CCSER1: variants seen among roughly 807,000 people sequenced by gnomAD.
CCSER1 encodes coiled-coil serine rich protein 1, also known as serine-rich coiled-coil domain-containing protein 1.
CCSER1 carries 41 observed loss-of-function variants against 82.0 expected under a neutral mutation model. The observed-to-expected ratio is 0.50, with a 90% CI of 0.39 to 0.65. The LOEUF is 0.65. Ranked by LOEUF, CCSER1 falls within the 30% of genes least tolerant of loss-of-function variation. CCSER1 has a pLI of 0.00. For missense variants in CCSER1, 1,119 were observed against 1,064.2 expected (o/e 1.05, Z -0.72); for synonymous variants, 414 against 383.9 (o/e 1.08, Z -0.92).
At chr4:90,131,870 G>A (rs1434947199) in intron 1 of CCSER1, among the ~76,000 whole-genome samples, 2 of 151,914 alleles carry the variant, frequency 1.3e-5, no homozygotes, top group Admixed American at 6.5e-5. Flanking sequence ...GTGTATATAG[G>A]TTGATTTTAG....
At chr4:90,486,059 T>G (rs1266462488) in intron 5 of CCSER1, among the ~76,000 whole-genome samples, 2 of 152,180 alleles carry the variant, frequency 1.3e-5, no homozygotes, top group East Asian at 3.9e-4. Flanking sequence ...AATCAACAAT[T>G]GTAGATGTTC....
intron 8 of CCSER1, among the ~76,000 whole-genome samples, chr4:90,899,563 T>A (rs1724284591): frequency 6.6e-6 from 1 of 152,080 alleles, no homozygotes; most frequent in African/African-American, 2.4e-5. Context: ...CTTTTACCAT[T>A]CAGTATCATG....
At chr4:91,162,404 G>C (rs1016569235) in intron 10 of CCSER1, among the ~76,000 whole-genome samples, 2 of 152,108 alleles carry the variant, frequency 1.3e-5, no homozygotes, top group African/African-American at 4.8e-5. Flanking sequence ...TTTTGGTTGT[G>C]GCTCTGTCAG....
intron 7 of CCSER1, among the ~76,000 whole-genome samples, chr4:90,784,567 T>A (rs1199370094): frequency 6.6e-6 from 1 of 152,094 alleles, no homozygotes; most frequent in East Asian, 1.9e-4. Context: ...CCCAGATGAT[T>A]TAGAAAAAAT....
intron 3 of CCSER1, among the ~76,000 whole-genome samples, chr4:90,320,598 A>G (rs1313044594): frequency 2.6e-5 from 4 of 152,182 alleles, no homozygotes; most frequent in South Asian, 2.1e-4. Flanking sequence ...TTAAAATATA[A>G]TATCTTGGTC....
At chr4:90,924,525 C>T (rs1389859504) in intron 9 of CCSER1, among the ~76,000 whole-genome samples, 2 of 152,050 alleles carry the variant, frequency 1.3e-5, no homozygotes, top group East Asian at 3.9e-4. Flanking sequence ...TATATTTACT[C>T]TAGATATCTA....
At chr4:91,323,426 T>C (rs1276203720) in intron 10 of CCSER1, among the ~76,000 whole-genome samples, 1 of 152,156 alleles carries the variant, frequency 6.6e-6, no homozygotes, top group East Asian at 1.9e-4. Flanking sequence ...GCCCTATTAC[T>C]TTTTCAAAAA....
At chr4:90,517,317 G>GT (rs779918949) in intron 5 of CCSER1, among the ~76,000 whole-genome samples, 4 of 152,142 alleles carry the variant, frequency 2.6e-5, no homozygotes, top group South Asian at 4.1e-4. Context: ...TCAAACCATC[G>GT]TAAGTCGGGG....
chr4:90,384,385 A>G (rs1295353549), intron 3 of CCSER1, among the ~76,000 whole-genome samples: 2 of 147,428 alleles, frequency 1.4e-5, no homozygotes, highest in Non-Finnish European at 3.0e-5. Flanking sequence ...ACATGTTCTC[A>G]CTCAAAGGTG....
At chr4:91,236,943 C>T (rs1245218952) in intron 10 of CCSER1, among the ~76,000 whole-genome samples, 3 of 152,162 alleles carry the variant, frequency 2.0e-5, no homozygotes, top group African/African-American at 4.8e-5. Context: ...CAAGACCAGA[C>T]ATATTAGGCC....
At chr4:91,321,478 A>C (rs1746190374) in intron 10 of CCSER1, among the ~76,000 whole-genome samples, 1 of 152,086 alleles carries the variant, frequency 6.6e-6, no homozygotes, top group Non-Finnish European at 1.5e-5. Context: ...ATAAGCAATC[A>C]TTGATTTCTT....
chr4:90,412,539 AC>A (rs1352517360), intron 4 of CCSER1, among the ~76,000 whole-genome samples: 28 of 137,674 alleles, frequency 2.0e-4, no homozygotes, highest in Non-Finnish European at 2.9e-4. Context: ...AAAAAAAAAA[AC>A]CAAAAAGATA....
chr4:90,350,375 C>T (rs944600643), intron 3 of CCSER1, among the ~76,000 whole-genome samples: 1 of 151,918 alleles, frequency 6.6e-6, no homozygotes, highest in Non-Finnish European at 1.5e-5. Context: ...AGGAATAAGG[C>T]AAGTATATTC....
At chr4:90,452,164 C>A (rs1048764363) in intron 4 of CCSER1, among the ~76,000 whole-genome samples, 9 of 152,210 alleles carry the variant, frequency 5.9e-5, no homozygotes, top group Non-Finnish European at 1.0e-4. Context: ...TACAAAGGAA[C>A]TTCTGTCTGT....
chr4:90,793,173 T>C (rs1385506842), intron 7 of CCSER1, among the ~76,000 whole-genome samples: 2 of 152,262 alleles, frequency 1.3e-5, no homozygotes, highest in Non-Finnish European at 2.9e-5. Flanking sequence ...TACTTTTTTT[T>C]TCTTTTTTAA....
intron 1 of CCSER1, among the ~76,000 whole-genome samples, chr4:90,198,161 T>C (rs751486913): frequency 2.0e-5 from 3 of 152,164 alleles, no homozygotes; most frequent in Non-Finnish European, 2.9e-5. Context: ...GATTAAATCA[T>C]TGGCCATTGG....
At chr4:90,302,999 T>C (rs1400393474) in intron 1 of CCSER1, among the ~76,000 whole-genome samples, 1 of 152,150 alleles carries the variant, frequency 6.6e-6, no homozygotes, top group Admixed American at 6.6e-5. Flanking sequence ...CTATAGTCTA[T>C]TTTCCTCTTA....
chr4:91,038,030 C>T (rs1741604545), intron 9 of CCSER1, among the ~76,000 whole-genome samples: 1 of 152,000 alleles, frequency 6.6e-6, no homozygotes, highest in South Asian at 2.1e-4. Flanking sequence ...TTCAATACTT[C>T]AGCTCTTAAT....
chr4:90,667,476 A>G (rs1186687006), intron 6 of CCSER1, among the ~76,000 whole-genome samples: 1 of 152,002 alleles, frequency 6.6e-6, no homozygotes, highest in African/African-American at 2.4e-5. Flanking sequence ...CATTTCTTCT[A>G]ATGCTATCCC....
Sources: allele counts gnomAD v4.1 joint callset (sites outside exome capture counted in the v4.1 genomes callset), GRCh38; gene constraint gnomAD v4.1.1; transcripts MANE v1.5; gene names NCBI Gene and HGNC (gene_info 2026-07-23, HGNC 2026-07-21).